CGGBP1: variants seen among roughly 807,000 people sequenced by gnomAD.
CGGBP1 encodes CGG triplet repeat binding protein 1.
In CGGBP1, 4 loss-of-function variants were observed where a neutral mutation model predicts 11.4. That is an observed-to-expected ratio of 0.35 (90% CI 0.17 to 0.80). The LOEUF (loss-of-function observed/expected upper bound fraction) is 0.80, where lower values mean the gene tolerates loss of function less well. Among genes scored for constraint, CGGBP1 ranks in the 30% least tolerant of loss-of-function variants. The pLI is 0.52. For missense variants in CGGBP1, 135 were observed against 202.1 expected (o/e 0.67, Z 2.01); for synonymous variants, 76 against 74.1 (o/e 1.03, Z -0.13).
At chr3:88,060,560 T>A (rs917230384), upstream of CGGBP1, among the ~76,000 whole-genome samples, 1 of 152,230 alleles carries the variant, frequency 6.6e-6, no homozygotes, top group Non-Finnish European at 1.5e-5. Context: ...GTTCAGATTC[T>A]GGCTCCACCA....
In CGGBP1 at chr3:88,077,493, CG is replaced by C. The variant is rs554837084; in HGVS notation, c.-228-19271del. 4.0e-3 allele frequency among the ~76,000 whole-genome samples: 400 copies of C among 99,068 alleles called. 1 individual carries two copies. The highest frequency in any genetic ancestry group is 0.012 in the African/African-American group (390 of 31,868). 65.0% of individuals were successfully genotyped at this position (99,068 alleles called of 152,430 possible). ...GACTACAGACGCCTGCCACCACGCC[CG>C]GCTAATTTTTTGTGATTTTTTTAGT... On this transcript the variant is annotated intron_variant, in intron 2 of 3. Coordinates refer to the CGGBP1 transcript ENST00000462901.
rs1311336634 is a variant in CGGBP1, at chr3:88,142,374, A to T, written c.-337-1296T>A. 16 of 152,358 alleles carry T rather than the reference A, an allele frequency of 1.1e-4. No individual in the cohort carries two copies. The Admixed American group carries it at 1.1e-3, about 10-fold the overall frequency. The allele number at this position is 152,358 out of a possible 1,614,324, so 9.4% of individuals were successfully genotyped here. On this transcript the variant is annotated intron_variant, in intron 1 of 3. Transcript: ENST00000462901. ...CCACTTTTGTGGTACAAATTAGTTA[A>T]CATTTAAAGGGCAGCAGTGTCAATA...
rs1221217067 is a variant in CGGBP1 at position 88,054,487 on chromosome 3, A to G, written c.*986T>C. On this transcript the variant is annotated 3_prime_UTR_variant, in exon 4 of 4. Coordinates refer to ENST00000482016, the MANE Select transcript of CGGBP1 (RefSeq NM_001008390.2). ...AAAAACCTTGTACCACCAGAGGCAA[A>G]GCAGATAAAGTAAACTTGTTTCTAG... The G allele has an allele frequency of 6.6e-6, 1 of 152,242 alleles. No individual in the cohort carries two copies. The highest frequency in any genetic ancestry group is 1.5e-5 in the Non-Finnish European group (1 of 68,040). 9.4% of individuals were successfully genotyped at this position (152,242 alleles called of 1,614,324 possible). A position where few individuals can be genotyped will look rare whatever the true frequency, so the allele number is the denominator to read the frequency against.
chr3:88,116,659 A>C (rs1705425369), intron 2 of CGGBP1, among the ~76,000 whole-genome samples: 1 of 151,740 alleles, frequency 6.6e-6, no homozygotes, highest in South Asian at 2.1e-4. Flanking sequence ...TTTTCATGAG[A>C]GCATTCTTCC....
chr3:88,129,741 A>G (rs1245189285), intron 2 of CGGBP1: 4 of 1,528,738 alleles, frequency 2.6e-6, no homozygotes, highest in Non-Finnish European at 3.5e-6. Flanking sequence ...TAATGCTGAA[A>G]AAGAAGGCAA....
At chr3:88,122,011 C>A (rs1405579198) in intron 2 of CGGBP1, among the ~76,000 whole-genome samples, 2 of 152,098 alleles carry the variant, frequency 1.3e-5, no homozygotes, top group Non-Finnish European at 2.9e-5. Context: ...AACTTTTAAC[C>A]ACCTAAGAAG....
chr3:88,079,957 T>G (rs1707997014), intron 2 of CGGBP1, among the ~76,000 whole-genome samples: 1 of 152,124 alleles, frequency 6.6e-6, no homozygotes, highest in Admixed American at 6.5e-5. Context: ...TTGGTGTTTT[T>G]TTTTAAAACA....
chr3:88,120,368 C>A (rs1183001969), intron 2 of CGGBP1, among the ~76,000 whole-genome samples: 1 of 152,136 alleles, frequency 6.6e-6, no homozygotes, highest in Non-Finnish European at 1.5e-5. Flanking sequence ...ATACTGCTAT[C>A]TTGAGAGCTT....
chr3:88,107,987 A>AT (rs534570272), intron 2 of CGGBP1, among the ~76,000 whole-genome samples: 52 of 149,910 alleles, frequency 3.5e-4, no homozygotes, highest in African/African-American at 7.3e-4. Context: ...TGTTCTTATC[A>AT]TTTTTTTTTG....
intron 1 of CGGBP1, chr3:88,143,043 C>G (rs1707203666): frequency 6.6e-6 from 1 of 152,148 alleles, no homozygotes; most frequent in Non-Finnish European, 1.5e-5. Context: ...AACAGATCTC[C>G]TAATGTCCCA....
At chr3:88,060,489 T>A (rs1335821369), upstream of CGGBP1, among the ~76,000 whole-genome samples, 1 of 152,176 alleles carries the variant, frequency 6.6e-6, no homozygotes, top group African/African-American at 2.4e-5. Flanking sequence ...GGGAAAAAAA[T>A]TAACTGCTCC....
intron 2 of CGGBP1, among the ~76,000 whole-genome samples, chr3:88,100,457 G>A (rs1170048532): frequency 6.6e-6 from 1 of 152,152 alleles, no homozygotes; most frequent in Non-Finnish European, 1.5e-5. Flanking sequence ...ATTTGACCCA[G>A]CCATCCCATT....
chr3:88,138,894 C>T (rs969942704), intron 2 of CGGBP1: 70 of 1,232,950 alleles, frequency 5.7e-5, no homozygotes, highest in Non-Finnish European at 6.6e-5. Flanking sequence ...AGAAGCGTAT[C>T]GTACTGTTGA....
chr3:88,055,719 T>G lies in CGGBP1; in HGVS notation c.258A>C (p.Leu86=), dbSNP rs756504487. 3.7e-6 allele frequency: 6 copies of G among 1,614,228 alleles called. No individual in the cohort carries two copies. In the South Asian group the frequency reaches 4.4e-5, roughly 12 times the overall value. The change falls in exon 4 of 4, where the codon CTA becomes CTC. Residue 86 remains leucine, a synonymous_variant. Transcript: ENST00000482016. This position sits in a 1 kb window ranked among gnomAD's most constrained non-coding sequence, Gnocchi z 4.2. ...EQNVRKKQRP[L]TASLQCNSTA... is the part of the protein sequence containing the mutation. Reference sequence around the variant, plus strand: ...TACTGTTGCACTGAAGAGATGCAGTTAGGGGCCTCTGCTTCTTTCTCACAT... The same window carrying G: ...TACTGTTGCACTGAAGAGATGCAGTGAGGGGCCTCTGCTTCTTTCTCACAT...
intron 1 of CGGBP1, among the ~76,000 whole-genome samples, chr3:88,146,536 T>C (rs190723430): frequency 3.3e-5 from 5 of 152,282 alleles, no homozygotes; most frequent in Admixed American, 1.3e-4. Flanking sequence ...GGGGATCAGT[T>C]ATACTCAAAT....
chr3:88,126,933 GA>G (rs1257885651), intron 2 of CGGBP1, among the ~76,000 whole-genome samples: 1 of 152,104 alleles, frequency 6.6e-6, no homozygotes, highest in Non-Finnish European at 1.5e-5. Context: ...TGTCCAATCT[GA>G]TTTAACAGCG....
chr3:88,130,679 C>T (rs1381296804), intron 2 of CGGBP1, among the ~76,000 whole-genome samples: 4 of 142,972 alleles, frequency 2.8e-5, no homozygotes, highest in Non-Finnish European at 6.0e-5. Context: ...CGGTTTGGAA[C>T]TCCTTGGGCT....
chr3:88,138,630 G>GT (rs1191396110), intron 2 of CGGBP1: 3 of 899,302 alleles, frequency 3.3e-6, no homozygotes, highest in African/African-American at 3.5e-5. Context: ...TAAGAGTTGT[G>GT]TTTTTTAAAG....
At chr3:88,090,883 A>T (rs77250048) in intron 2 of CGGBP1, among the ~76,000 whole-genome samples, 136 of 152,306 alleles carry the variant, frequency 8.9e-4, no homozygotes, top group African/African-American at 3.2e-3. Context: ...TTGCAAAAAG[A>T]TTACGTAATG....
Sources: allele counts gnomAD v4.1 joint callset (sites outside exome capture counted in the v4.1 genomes callset), GRCh38; gene constraint gnomAD v4.1.1; non-coding constraint Gnocchi (gnomAD v3.1); transcripts MANE v1.5; gene names NCBI Gene and HGNC (gene_info 2026-07-23, HGNC 2026-07-21).